The following USP32 variants were observed in gnomAD, a reference collection of about 807,000 sequenced individuals.
The protein encoded by USP32 is ubiquitin carboxyl-terminal hydrolase 32.
USP32 carries 59 observed loss-of-function variants against 204.8 expected under a neutral mutation model. The observed-to-expected ratio is 0.29, with a 90% confidence interval of 0.23 to 0.36. USP32 has a LOEUF of 0.36. Ranked by LOEUF, USP32 falls within the 10% of genes least tolerant of loss-of-function variation. The probability of loss-of-function intolerance (pLI) is 1.00; values close to 1 mark genes in which losing one functional copy is unlikely to be tolerated. For synonymous variants in USP32, 517 were observed against 678.4 expected (o/e 0.76, Z 3.70); for missense variants, 1,160 against 1,946.4 (o/e 0.60, Z 7.60).
At chr17:60,277,449 G>A (rs143969798) in intron 5 of USP32, among the ~76,000 whole-genome samples, 9 of 152,246 alleles carry the variant, frequency 5.9e-5, no homozygotes, top group East Asian at 3.9e-4. Context: ...CATCACTAAC[G>A]GATAAGAGGA....
intron 2 of USP32, among the ~76,000 whole-genome samples, chr17:60,338,176 T>A (rs147273206): frequency 1.8e-4 from 27 of 151,696 alleles, no homozygotes; most frequent in Admixed American, 3.3e-4. Flanking sequence ...ATACAAAAAA[T>A]TAGCTGGGCA....
At chr17:60,289,372 A>G (rs375540859) in intron 4 of USP32, among the ~76,000 whole-genome samples, 17 of 152,160 alleles carry the variant, frequency 1.1e-4, no homozygotes, top group African/African-American at 3.9e-4. Flanking sequence ...CTTCTTTAGC[A>G]CTCTTCAATC....
intron 24 of USP32, 176 bp downstream of exon 24, chr17:60,207,883 G>A: frequency 8.9e-7 from 1 of 1,121,902 alleles, no homozygotes; most frequent in South Asian, 1.8e-5. Flanking sequence ...TATTCTGGTA[G>A]AAAACTCTTA....
chr17:60,401,178 G>A (rs1255493577), intron 1 of USP32, among the ~76,000 whole-genome samples: 1 of 150,646 alleles, frequency 6.6e-6, no homozygotes, highest in African/African-American at 2.4e-5. Flanking sequence ...AAAAAAGACC[G>A]GGCGCAATGG....
intron 15 of USP32, among the ~76,000 whole-genome samples, chr17:60,221,872 C>A (rs57581728): frequency 0.044 from 6,749 of 152,138 alleles, 536 homozygotes; most frequent in African/African-American, 0.15. Flanking sequence ...AGTGAGTGTC[C>A]AGAGTACCGA....
chr17:60,223,561 C>T lies in USP32; in HGVS notation c.1458G>A (p.Gly486=), dbSNP rs748668187. 1.9e-6 allele frequency: 3 copies of T among 1,604,534 alleles called. No individual in the cohort carries two copies. Among genetic ancestry groups the T allele is most frequent in the Non-Finnish European group, 2.5e-6 (3 of 1,177,786 alleles). Reference sequence around the variant, plus strand: ...GTTGTCGAGCAAAGCAAACATCTGCCCCTGGTGTGGCAGAATACAGAAAGC... The same window carrying T: ...GTTGTCGAGCAAAGCAAACATCTGCTCCTGGTGTGGCAGAATACAGAAAGC... ...GSGFLYSATP[G]ADVCFARQHN... Residue 486 remains glycine (G), a synonymous_variant, in exon 14 of 34, where the codon GGG becomes GGA. Transcript: ENST00000300896.
intron 1 of USP32, among the ~76,000 whole-genome samples, chr17:60,414,086 G>A (rs962401124): frequency 1.5e-4 from 23 of 151,996 alleles, no homozygotes; most frequent in Non-Finnish European, 3.1e-4. Context: ...TTATCGGCTG[G>A]GCGTGGTGGC....
upstream of USP32, chr17:60,392,571 A>T: frequency 2.3e-6 from 1 of 435,644 alleles, no homozygotes; most frequent in Non-Finnish European, 4.6e-6. Context: ...GGGACCTAAC[A>T]TGGAAGACCG....
chr17:60,245,951 T>A (rs1002460842), intron 11 of USP32, among the ~76,000 whole-genome samples: 1 of 151,990 alleles, frequency 6.6e-6, no homozygotes, highest in African/African-American at 2.4e-5. Context: ...TTCTGATATA[T>A]GCATACAATG....
intron 14 of USP32, among the ~76,000 whole-genome samples, 156 bp from the exon 15 acceptor site, chr17:60,222,705 G>A (rs539299145): frequency 6.3e-5 from 9 of 142,308 alleles, no homozygotes; most frequent in East Asian, 2.0e-4. Context: ...TTTTTGAGAC[G>A]GGGTCTTGTT....
chr17:60,353,660 G>A (rs906955978), intron 1 of USP32, among the ~76,000 whole-genome samples: 4 of 152,128 alleles, frequency 2.6e-5, no homozygotes, highest in South Asian at 4.1e-4. Flanking sequence ...AGAATCGTTC[G>A]AACCTGGGAG....
chr17:60,184,853 A>G (rs1307306601), intron 30 of USP32, among the ~76,000 whole-genome samples: 4 of 152,040 alleles, frequency 2.6e-5, no homozygotes. Context: ...GAATTAAAAT[A>G]TGCCAGTACC....
In USP32 at chr17:60,179,129, G is replaced by T; in HGVS notation, c.*126C>A. ...CTATTTTAATTAGAATTTTTATTTT[G>T]TGCTTCAGGGCCACAGGATAAAATA... is the stretch of plus-strand genomic sequence containing the variant. On this transcript the variant is annotated 3_prime_UTR_variant, in exon 34 of 34. Coordinates refer to ENST00000300896, the MANE Select transcript of USP32 (RefSeq NM_032582.4). The T allele has an allele frequency of 2.8e-6, 3 of 1,069,466 alleles. No individual in the cohort carries two copies. The highest frequency in any genetic ancestry group is 2.6e-6 in the Non-Finnish European group (2 of 766,298). The allele number at this position is 1,069,466 out of a possible 1,614,324, so 66.2% of individuals were successfully genotyped here.
Position 60,271,359 on chromosome 17 carries a change from G to C in USP32, c.694C>G (p.Leu232Val). 7 of 1,613,994 alleles carry C rather than the reference G, an allele frequency of 4.3e-6. No homozygotes were observed. Among genetic ancestry groups the C allele is most frequent in the Non-Finnish European group, 5.9e-6 (7 of 1,179,936 alleles). ...ATGGAATGATCCCTACCTTCACTTAGAGATGGACGAATAGGTGGTGAAACC... is the reference window on the plus strand; with the variant it reads ...ATGGAATGATCCCTACCTTCACTTACAGATGGACGAATAGGTGGTGAAACC... ...PLVSPPIRPS[L>V]SEGLFNAFDE... Residue 232 changes from leucine (L) to valine (V), a missense_variant, in exon 6 of 34, where the codon CTA becomes GTA. Coordinates refer to ENST00000300896, the MANE Select transcript of USP32 (RefSeq NM_032582.4).
chr17:60,367,868 G>A (rs1001679346), intron 1 of USP32, among the ~76,000 whole-genome samples: 29 of 152,044 alleles, frequency 1.9e-4, no homozygotes, highest in Admixed American at 1.3e-3. Flanking sequence ...TACCAAACAC[G>A]TACAGGCTTT....
At chr17:60,246,365 T>A (rs947910711) in intron 11 of USP32, among the ~76,000 whole-genome samples, 7 of 152,078 alleles carry the variant, frequency 4.6e-5, no homozygotes, top group African/African-American at 1.4e-4. Flanking sequence ...ATTCATTTTA[T>A]GGCTGAATAA....
intron 25 of USP32, among the ~76,000 whole-genome samples, chr17:60,205,920 A>G (rs1184979925): frequency 1.3e-5 from 2 of 152,264 alleles, no homozygotes; most frequent in South Asian, 2.1e-4. Flanking sequence ...CTGTATCAGC[A>G]CCATGTTGTA....
rs2083993614 is a variant in USP32, at chr17:60,177,422, T to TA, written c.*1832_*1833insT. ...TTGTCAACAAGTTTTATACAGTAAT[T>TA]TACAAGGTGAATGTAGTTAATAGTT... is the stretch of plus-strand genomic sequence containing the variant. On this transcript the variant is annotated 3_prime_UTR_variant, in exon 34 of 34. Transcript: ENST00000300896. Among the ~76,000 whole-genome samples the TA allele has an allele frequency of 6.6e-6, 1 of 152,230 alleles. No individual in the cohort carries two copies. Among genetic ancestry groups the TA allele is most frequent in the Admixed American group, 6.5e-5 (1 of 15,284 alleles).
chr17:60,234,429 A>T lies in USP32; in HGVS notation c.1239+1709T>A, dbSNP rs567273606. Reference sequence around the variant, plus strand: ...CACCCGGCTCAAGCATGACTAATTTAAAAAAAAATTTTTTTGGACCGGGCG... The same window carrying T: ...CACCCGGCTCAAGCATGACTAATTTTAAAAAAAATTTTTTTGGACCGGGCG... On this transcript the variant is annotated intron_variant, in intron 12 of 33. Transcript: ENST00000300896. 5.3e-5 allele frequency among the ~76,000 whole-genome samples: 8 copies of T among 150,494 alleles called. No homozygotes were observed. In the South Asian group the frequency reaches 1.3e-3, roughly 24 times the overall value.
Sources: gnomAD v4.1 joint callset for allele counts (sites outside exome capture counted in the v4.1 genomes callset) on GRCh38, gnomAD v4.1.1 for gene constraint, MANE v1.5 for transcripts, NCBI Gene and HGNC (gene_info 2026-07-23, HGNC 2026-07-21) for gene names.